GRIN2B: variants seen among roughly 807,000 people sequenced by gnomAD.
GRIN2B encodes glutamate receptor ionotropic, NMDA 2B.
In GRIN2B, 5 loss-of-function variants were observed where a neutral mutation model predicts 114.5. The ratio of observed to expected loss-of-function variants is 0.04; its 90% CI spans 0.02 to 0.09. GRIN2B has a LOEUF of 0.09. Ranked by LOEUF, GRIN2B falls within the 10% of genes least tolerant of loss-of-function variation. The pLI, the probability that GRIN2B is intolerant of heterozygous loss-of-function variation, is 1.00. For missense variants in GRIN2B, 1,108 were observed against 1,943.5 expected (o/e 0.57, Z 8.08); for synonymous variants, 787 against 745.1 (o/e 1.06, Z -0.92).
chr12:13,815,067 A>G (rs1864791840), intron 3 of GRIN2B, among the ~76,000 whole-genome samples: 1 of 152,244 alleles, frequency 6.6e-6, no homozygotes, highest in African/African-American at 2.4e-5. Context: ...ACAGTACAAT[A>G]TCAGCAATCT....
At chr12:13,704,016 T>C (rs1950336457) in intron 4 of GRIN2B, among the ~76,000 whole-genome samples, 1 of 152,116 alleles carries the variant, frequency 6.6e-6, no homozygotes, top group Non-Finnish European at 1.5e-5. Flanking sequence ...TGCAAGAAGA[T>C]AGGGACAGGA....
At chr12:13,912,965 C>T (rs1866649689) in intron 2 of GRIN2B, among the ~76,000 whole-genome samples, 1 of 152,110 alleles carries the variant, frequency 6.6e-6, no homozygotes, top group Admixed American at 6.6e-5. Context: ...TCCCATACCT[C>T]AGTGGGTTTG....
At chr12:13,632,987 G>C (rs947498836) in intron 5 of GRIN2B, among the ~76,000 whole-genome samples, 4 of 152,150 alleles carry the variant, frequency 2.6e-5, no homozygotes, top group Admixed American at 2.0e-4. Flanking sequence ...AACACATTTG[G>C]AGAAGCAAAA....
rs141960901 is a variant in GRIN2B, at chr12:13,695,878, GC to G, written c.1011-20020del. Among the ~76,000 whole-genome samples, 34 of 152,274 alleles carry G rather than the reference GC, an allele frequency of 2.2e-4. No individual in the cohort carries two copies. In the East Asian group the frequency reaches 6.6e-3, roughly 29 times the overall value. On this transcript the variant is annotated intron_variant, in intron 4 of 13. Transcript: ENST00000609686. ...CCAGTAGCGGAAATGATGATTGCAT[GC>G]TGGAGAATAATCTGAGACTATTGTG...
At chr12:13,704,176 GA>G (rs779268229) in intron 4 of GRIN2B, among the ~76,000 whole-genome samples, 8 of 152,164 alleles carry the variant, frequency 5.3e-5, no homozygotes, top group Non-Finnish European at 5.9e-5. Context: ...GTCTGATGCT[GA>G]GACCGGGAGG....
rs1555144006 is a variant in GRIN2B, at chr12:13,825,493, A to ATATATATATTTT, written c.411+40304_411+40305insAAAATATATATA. Among the ~76,000 whole-genome samples, 16 of 28,126 alleles carry ATATATATATTTT rather than the reference A, an allele frequency of 5.7e-4. No homozygotes were observed. In the East Asian group the frequency reaches 0.014, roughly 24 times the overall value. The allele number at this position is 28,126 out of a possible 152,430, so 18.5% of individuals were successfully genotyped here. A position where few individuals can be genotyped will look rare whatever the true frequency, so the allele number is the denominator to read the frequency against. On this transcript the variant is annotated intron_variant, in intron 3 of 13. Coordinates refer to ENST00000609686, the MANE Select transcript of GRIN2B (RefSeq NM_000834.5). The stretch of plus-strand genomic sequence containing the variant: ...ATATATATATAATAAATATATATAT[A>ATATATATATTTT]TTTTGTGTGTGTGTGTGTGTGTGTG...
At chr12:13,895,517 G>A (rs369914307) in intron 2 of GRIN2B, among the ~76,000 whole-genome samples, 9 of 152,110 alleles carry the variant, frequency 5.9e-5, no homozygotes, top group Admixed American at 4.6e-4. Context: ...GCTAAAGCAC[G>A]TCTGTTTTGT....
At chr12:13,958,960 G>GA (rs1049143849) in intron 2 of GRIN2B, among the ~76,000 whole-genome samples, 22 of 148,018 alleles carry the variant, frequency 1.5e-4, no homozygotes, top group African/African-American at 3.2e-4. Context: ...TAGCTTAAAA[G>GA]AAAAAAAAAG....
chr12:13,898,618 T>C lies in GRIN2B; in HGVS notation c.-18-32392A>G, dbSNP rs181980833. 4.1e-3 allele frequency among the ~76,000 whole-genome samples: 617 copies of C among 152,282 alleles called. 3 individuals carry two copies. Among genetic ancestry groups the C allele is most frequent in the African/African-American group, 0.014 (583 of 41,566 alleles). On this transcript the variant is annotated intron_variant, in intron 2 of 13. Transcript: ENST00000609686. ...CTGGCACATTCTCTAGTGCAAAAAA[T>C]GACGACAACTGGGCTGGGCACGGTG...
At chr12:13,754,273 C>T (rs994794786) in intron 3 of GRIN2B, among the ~76,000 whole-genome samples, 5 of 152,162 alleles carry the variant, frequency 3.3e-5, no homozygotes, top group Non-Finnish European at 7.3e-5. Context: ...AATAAAGGCT[C>T]TAAACGGCCT....
intron 3 of GRIN2B, among the ~76,000 whole-genome samples, chr12:13,780,772 T>C (rs539407395): frequency 1.9e-4 from 29 of 149,794 alleles, no homozygotes; most frequent in African/African-American, 6.4e-4. Flanking sequence ...TGACATTACT[T>C]GTGGAGAAAA....
intron 3 of GRIN2B, among the ~76,000 whole-genome samples, chr12:13,825,496 T>TGTGTGTGTGTGTG (rs1555144019): frequency 4.9e-4 from 60 of 122,964 alleles, no homozygotes; most frequent in Non-Finnish European, 8.2e-4. Flanking sequence ...TATATATATT[T>TGTGTGTGTGTGTG]TGTGTGTGTG....
intron 5 of GRIN2B, among the ~76,000 whole-genome samples, chr12:13,672,856 C>T (rs1333124230): frequency 1.3e-5 from 2 of 152,148 alleles, no homozygotes; most frequent in East Asian, 3.9e-4. Context: ...TCTCCTGCCC[C>T]TCCCCATGAA....
At chr12:13,603,039 C>A (rs1417190361) in intron 10 of GRIN2B, among the ~76,000 whole-genome samples, 2 of 152,188 alleles carry the variant, frequency 1.3e-5, no homozygotes, top group African/African-American at 2.4e-5. Context: ...CCAGACCCCA[C>A]TGACCCCCTA....
intron 4 of GRIN2B, among the ~76,000 whole-genome samples, chr12:13,720,124 C>T (rs767066489): frequency 2.6e-5 from 4 of 152,036 alleles, no homozygotes; most frequent in South Asian, 2.1e-4. Context: ...TAGGGAATGT[C>T]GAGTCAGCCT....
rs1948391955 is a variant in GRIN2B, at chr12:13,550,128, A to T, written c.*12655T>A. The T allele has an allele frequency of 6.6e-6, 1 of 152,162 alleles. No individual in the cohort carries two copies. The highest frequency in any genetic ancestry group is 2.4e-5 in the African/African-American group (1 of 41,436). The allele number at this position is 152,162 out of a possible 1,614,324, so 9.4% of individuals were successfully genotyped here. ...TTGTGCTTTGACTTCTCATCTGTAAAACTGAAAGATGATCTTATTTCCAAG... is the reference window on the plus strand; with the variant it reads ...TTGTGCTTTGACTTCTCATCTGTAATACTGAAAGATGATCTTATTTCCAAG... On this transcript the variant is annotated 3_prime_UTR_variant, in exon 14 of 14. Coordinates refer to ENST00000609686, the MANE Select transcript of GRIN2B (RefSeq NM_000834.5).
intron 2 of GRIN2B, among the ~76,000 whole-genome samples, chr12:13,965,301 T>C (rs1867771373): frequency 6.6e-6 from 1 of 152,180 alleles, no homozygotes; most frequent in South Asian, 2.1e-4. Flanking sequence ...CTTATGAGTT[T>C]GTAATTTCTA....
intron 2 of GRIN2B, among the ~76,000 whole-genome samples, chr12:13,869,241 CTTTTTTTT>C (rs377460231): frequency 1.6e-5 from 2 of 127,370 alleles, no homozygotes; most frequent in African/African-American, 5.9e-5. Flanking sequence ...CTTTTTTTTT[CTTTTTTTT>C]TTTTTTTTTG....
intron 2 of GRIN2B, among the ~76,000 whole-genome samples, chr12:13,911,247 A>G (rs918150955): frequency 4.6e-5 from 7 of 152,174 alleles, no homozygotes; most frequent in African/African-American, 1.7e-4. Flanking sequence ...ATAAGATGAT[A>G]GTTTTGAATA....
Sources: gnomAD v4.1 joint callset for allele counts (sites outside exome capture counted in the v4.1 genomes callset) on GRCh38, gnomAD v4.1.1 for gene constraint, MANE v1.5 for transcripts, NCBI Gene and HGNC (gene_info 2026-07-23, HGNC 2026-07-21) for gene names.